The following CDH19 variants were observed in gnomAD, a reference collection of about 807,000 sequenced individuals.
CDH19 encodes cadherin 19, also known as cadherin-19.
CDH19 carries 67 observed loss-of-function variants against 64.2 expected under a neutral mutation model. The ratio of observed to expected loss-of-function variants is 1.04; its 90% CI spans 0.86 to 1.28. CDH19 has a LOEUF of 1.28. Among genes scored for constraint, CDH19 ranks in the 50% most tolerant of loss-of-function variants. CDH19 has a pLI of 0.00. For synonymous variants in CDH19, 346 were observed against 319.3 expected, an observed-to-expected ratio of 1.08 and a Z score of -0.89; for missense variants, 1,030 against 929.0, an observed-to-expected ratio of 1.11 and a Z score of -1.41.
intron 9 of CDH19, among the ~76,000 whole-genome samples, chr18:66,512,116 GGCTTACTAAACTATTT>G (rs1247219482): frequency 1.3e-5 from 2 of 151,540 alleles, no homozygotes; most frequent in Non-Finnish European, 3.0e-5. Flanking sequence ...TAGAGTTACT[GGCTTACTAAACTATTT>G]GCTGAAGTAA....
chr18:66,577,638 C>A (rs143032654), intron 1 of CDH19, among the ~76,000 whole-genome samples: 21 of 152,024 alleles, frequency 1.4e-4, no homozygotes, highest in African/African-American at 4.8e-4. Context: ...TCAAAGTGCA[C>A]TTGTTAAAAA....
intron 1 of CDH19, among the ~76,000 whole-genome samples, chr18:66,597,179 A>G (rs1259644553): frequency 6.8e-6 from 1 of 147,314 alleles, no homozygotes; most frequent in African/African-American, 2.5e-5. Flanking sequence ...AAAAAAAAAA[A>G]GCTGGAAGAA....
intron 8 of CDH19, among the ~76,000 whole-genome samples, chr18:66,530,528 A>G (rs1419292256): frequency 6.6e-6 from 1 of 152,092 alleles, no homozygotes; most frequent in Non-Finnish European, 1.5e-5. Context: ...AATAGTTATA[A>G]TAAAATCTAA....
intron 3 of CDH19, among the ~76,000 whole-genome samples, chr18:66,555,478 A>C (rs533120562): frequency 1.3e-5 from 2 of 151,874 alleles, no homozygotes; most frequent in South Asian, 2.1e-4. Context: ...TAAATAGTAC[A>C]TATTCTTTGC....
At chr18:66,541,097 C>G (rs1405514000) in intron 7 of CDH19, among the ~76,000 whole-genome samples, 13 of 151,996 alleles carry the variant, frequency 8.6e-5, no homozygotes, top group Admixed American at 8.5e-4. Context: ...GTAGATCTTG[C>G]TCCTCAAGCT....
chr18:66,527,486 C>T (rs1986268198), intron 9 of CDH19, among the ~76,000 whole-genome samples: 1 of 152,098 alleles, frequency 6.6e-6, no homozygotes, highest in Non-Finnish European at 1.5e-5. Context: ...TGGTCGCTTA[C>T]GCCTGCAATC....
intron 11 of CDH19, among the ~76,000 whole-genome samples, chr18:66,507,575 GC>G (rs1985263405): frequency 6.6e-6 from 1 of 151,674 alleles, no homozygotes; most frequent in Non-Finnish European, 1.5e-5. Context: ...TTGGTGTTCA[GC>G]TGCCTCATTT....
chr18:66,541,815 T>C (rs1286017835), intron 7 of CDH19, among the ~76,000 whole-genome samples: 2 of 152,104 alleles, frequency 1.3e-5, no homozygotes, highest in Non-Finnish European at 2.9e-5. Flanking sequence ...TATTTTCAGA[T>C]TGAAGTAAGT....
At chr18:66,588,106 A>G (rs1174577462) in intron 1 of CDH19, among the ~76,000 whole-genome samples, 3 of 152,102 alleles carry the variant, frequency 2.0e-5, no homozygotes, top group Admixed American at 1.3e-4. Context: ...CCATGTCTGC[A>G]TGGGATTATC....
intron 9 of CDH19, among the ~76,000 whole-genome samples, chr18:66,524,969 C>T (rs1986164852): frequency 6.6e-6 from 1 of 152,078 alleles, no homozygotes; most frequent in Admixed American, 6.6e-5. Context: ...ACCAAGTTCC[C>T]TGCTTGAAAC....
At chr18:66,581,440 T>C (rs1158080789) in intron 1 of CDH19, among the ~76,000 whole-genome samples, 2 of 152,046 alleles carry the variant, frequency 1.3e-5, no homozygotes. Flanking sequence ...CTGTGAGGGT[T>C]TTGCCAGAGG....
intron 1 of CDH19, among the ~76,000 whole-genome samples, chr18:66,575,800 T>G (rs1179625190): frequency 6.6e-6 from 1 of 151,874 alleles, no homozygotes; most frequent in Non-Finnish European, 1.5e-5. Context: ...TATCAGTAAA[T>G]AGAAAGACCT....
At chr18:66,549,631 AT>A (rs1170341190) in intron 5 of CDH19, among the ~76,000 whole-genome samples, 2 of 152,148 alleles carry the variant, frequency 1.3e-5, no homozygotes, top group African/African-American at 4.8e-5. Flanking sequence ...AACAGTGGTA[AT>A]TTTTTAATAT....
chr18:66,596,556 C>G (rs572183075), intron 1 of CDH19, among the ~76,000 whole-genome samples: 1 of 152,052 alleles, frequency 6.6e-6, no homozygotes, highest in South Asian at 2.1e-4. Context: ...CTCAAATAGC[C>G]ACAAATAGAA....
rs147142082 is a variant in CDH19 at position 66,505,173 on chromosome 18, G to C, written c.1958C>G (p.Ala653Gly). The C allele has an allele frequency of 7.4e-6, 12 of 1,613,230 alleles. No homozygotes were observed. The highest frequency in any genetic ancestry group is 1.0e-5 in the Non-Finnish European group (12 of 1,179,550). ...DEGGGEEDTE[A>G]FDIAELRSST... is the part of the protein sequence containing the mutation. ...ACTCCTCAGCTCTGCTATATCAAAG[G>C]CCTCTGTATCTTCTTCTCCACCCCC... The change falls in exon 12 of 12, where the codon GCC becomes GGC. Residue 653 changes from alanine to glycine, a missense_variant. Transcript: ENST00000262150.
intron 9 of CDH19, among the ~76,000 whole-genome samples, chr18:66,521,179 C>T (rs1985965896): frequency 1.3e-5 from 2 of 151,944 alleles, no homozygotes; most frequent in African/African-American, 4.8e-5. Flanking sequence ...AATGTGGTTT[C>T]TGGATCTGAT....
chr18:66,571,335 C>T (rs1424062015), intron 2 of CDH19, among the ~76,000 whole-genome samples: 4 of 151,482 alleles, frequency 2.6e-5, no homozygotes, highest in East Asian at 1.9e-4. Flanking sequence ...ATTTTAGTGC[C>T]AGTTAATTAG....
At chr18:66,548,467 A>G (rs1987220094) in intron 5 of CDH19, among the ~76,000 whole-genome samples, 1 of 140,324 alleles carries the variant, frequency 7.1e-6, no homozygotes, top group African/African-American at 2.8e-5. Flanking sequence ...CTGACTCACA[A>G]ATGTTCCGAA....
intron 3 of CDH19, among the ~76,000 whole-genome samples, chr18:66,567,598 T>C (rs1987956131): frequency 6.6e-6 from 1 of 151,884 alleles, no homozygotes; most frequent in Admixed American, 6.6e-5. Flanking sequence ...TGATGAAATA[T>C]GTATTTTTGG....
Sources: allele counts gnomAD v4.1 joint callset (sites outside exome capture counted in the v4.1 genomes callset), GRCh38; gene constraint gnomAD v4.1.1; transcripts MANE v1.5; gene names NCBI Gene and HGNC (gene_info 2026-07-23, HGNC 2026-07-21).